The following TXNDC11 variants were observed in gnomAD, a reference collection of about 807,000 sequenced individuals.
TXNDC11 encodes thioredoxin domain-containing protein 11.
A neutral mutation model predicts 78.0 loss-of-function variants in TXNDC11; 68 were observed. That is an observed-to-expected ratio of 0.87 (90% CI 0.72 to 1.07). The LOEUF (loss-of-function observed/expected upper bound fraction) is 1.07. TXNDC11 is among the 50% of genes least tolerant of loss of function. The pLI, the probability that TXNDC11 is intolerant of heterozygous loss-of-function variation, is 0.00. For synonymous variants in TXNDC11, 571 were observed against 495.2 expected (o/e 1.15, Z -2.03); for missense variants, 1,389 against 1,221.8 (o/e 1.14, Z -2.04).
Position 11,742,680 on chromosome 16 carries a change from G to T in TXNDC11, c.51C>A (p.Ala17=), listed in dbSNP as rs749510857. 2.6e-5 allele frequency: 38 copies of T among 1,470,998 alleles called. 1 individual carries two copies. Among genetic ancestry groups the T allele is most frequent in the Middle Eastern group, 4.0e-4 (2 of 4,988 alleles). The allele number at this position is 1,470,998 out of a possible 1,614,324, so 91.1% of individuals were successfully genotyped here. The change falls in exon 1 of 12, where the codon GCC becomes GCA. Residue 17 remains alanine (A), a synonymous_variant. Transcript: ENST00000283033. Reference sequence around the variant, plus strand: ...CGCCGCCGCCCCCTCCCTCGTCCTCGGCGTCCTCGCTGCTGCTGCTGCCGC... The same window carrying T: ...CGCCGCCGCCCCCTCCCTCGTCCTCTGCGTCCTCGCTGCTGCTGCTGCCGC... The part of the protein sequence containing the change: ...RGGGSSSSED[A]EDEGGGGGGP...
At chr16:11,714,171 G>A (rs1187364427) in intron 5 of TXNDC11, among the ~76,000 whole-genome samples, 2 of 152,028 alleles carry the variant, frequency 1.3e-5, no homozygotes, top group Admixed American at 6.6e-5. Context: ...CCCCTAAGTA[G>A]CTGCAACTAC....
intron 5 of TXNDC11, among the ~76,000 whole-genome samples, chr16:11,712,007 A>G (rs2051376159): frequency 6.6e-6 from 1 of 152,148 alleles, no homozygotes; most frequent in Admixed American, 6.5e-5. Context: ...TAAGTTTGTG[A>G]CTTTATTATG....
chr16:11,711,327 A>T (rs778666114), intron 5 of TXNDC11, among the ~76,000 whole-genome samples: 3 of 152,190 alleles, frequency 2.0e-5, no homozygotes, highest in Non-Finnish European at 4.4e-5. Flanking sequence ...GTAACAAATA[A>T]TGGCAGACAC....
At chr16:11,733,860 A>C (rs1241020509) in intron 3 of TXNDC11, 122 bp downstream of exon 3, 3 of 684,888 alleles carry the variant, frequency 4.4e-6, no homozygotes, top group Non-Finnish European at 4.9e-6. Context: ...ATTTTTGCTT[A>C]TCTGTATTAT....
chr16:11,708,766 G>C (rs1289392051), intron 5 of TXNDC11, among the ~76,000 whole-genome samples: 1 of 152,138 alleles, frequency 6.6e-6, no homozygotes, highest in Admixed American at 6.5e-5. Context: ...GAAAATAGTG[G>C]TATACCAAAA....
chr16:11,723,919 G>C (rs1431953335), intron 4 of TXNDC11, among the ~76,000 whole-genome samples: 1 of 152,148 alleles, frequency 6.6e-6, no homozygotes, highest in East Asian at 1.9e-4. Context: ...AAAATATTTT[G>C]CCTGCAGATA....
At chr16:11,723,650 C>G (rs2051784271) in intron 4 of TXNDC11, among the ~76,000 whole-genome samples, 1 of 151,916 alleles carries the variant, frequency 6.6e-6, no homozygotes, top group African/African-American at 2.4e-5. Flanking sequence ...TACCTATGTG[C>G]ACAACATTCA....
intron 4 of TXNDC11, among the ~76,000 whole-genome samples, chr16:11,727,195 A>AT (rs147902060): frequency 4.0e-5 from 6 of 151,820 alleles, no homozygotes; most frequent in South Asian, 2.1e-4. Context: ...TAATTAATCA[A>AT]TTTTTTTTCT....
chr16:11,698,434 C>T (rs1486953875), intron 6 of TXNDC11, 109 bp from the exon 7 acceptor site: 11 of 923,196 alleles, frequency 1.2e-5, no homozygotes, highest in Admixed American at 9.0e-5. Context: ...AAAACCCAGG[C>T]GTGGAGCGGG....
Position 11,730,782 on chromosome 16 carries a change from C to G in TXNDC11, c.570-8G>C. The G allele has an allele frequency of 6.5e-7, 1 of 1,527,016 alleles. No individual in the cohort carries two copies. Among genetic ancestry groups the G allele is most frequent in the African/African-American group, 1.4e-5 (1 of 72,220 alleles). The allele number at this position is 1,527,016 out of a possible 1,614,324, so 94.6% of individuals were successfully genotyped here. ...TATTCGATTGGTCCAAAACTAGTAC[C>G]AAAAAATAAAAATAAAAATAAAAAT... On this transcript the variant is annotated splice_polypyrimidine_tract_variant and splice_region_variant and intron_variant, in intron 3 of 11. Transcript: ENST00000283033.
intron 5 of TXNDC11, among the ~76,000 whole-genome samples, chr16:11,711,023 A>G (rs1401997566): frequency 6.6e-6 from 1 of 152,058 alleles, no homozygotes; most frequent in Non-Finnish European, 1.5e-5. Flanking sequence ...CAGGACGTCC[A>G]GTGTGCCGGA....
chr16:11,739,600 C>T (rs13339332), intron 1 of TXNDC11, among the ~76,000 whole-genome samples: 3,179 of 152,122 alleles, frequency 0.021, 113 homozygotes, highest in African/African-American at 0.072. Context: ...AAAGACCATT[C>T]GAGGCAGCTT....
chr16:11,684,269 T>G, intron 10 of TXNDC11, 24 bp from the exon 11 acceptor site: 1 of 1,574,010 alleles, frequency 6.4e-7, no homozygotes, highest in Non-Finnish European at 8.7e-7. Flanking sequence ...AGAACAGAAA[T>G]GGCAGATGAT....
At chr16:11,733,950 G>A (rs2052135622) in intron 3 of TXNDC11, 32 bp downstream of exon 3, 4 of 1,481,146 alleles carry the variant, frequency 2.7e-6, no homozygotes, top group East Asian at 2.3e-5. Context: ...AAACTAAACT[G>A]GAATGAGAGA....
intron 7 of TXNDC11, among the ~76,000 whole-genome samples, chr16:11,694,962 A>G (rs1266973714): frequency 6.6e-6 from 1 of 152,234 alleles, no homozygotes; most frequent in African/African-American, 2.4e-5. Flanking sequence ...ATTTTCTTTA[A>G]TCAGGGAAAT....
Position 11,692,102 on chromosome 16 carries a change from TGGTGAA to T in TXNDC11, c.1108-26_1108-21del, listed in dbSNP as rs761318987. The T allele has an allele frequency of 1.5e-5, 23 of 1,511,958 alleles. No homozygotes were observed. In the South Asian group the frequency reaches 2.8e-4, roughly 19 times the overall value. 93.7% of individuals were successfully genotyped at this position (1,511,958 alleles called of 1,614,324 possible). A position where few individuals can be genotyped will look rare whatever the true frequency, so the allele number is the denominator to read the frequency against. Reference sequence around the variant, plus strand: ...GGTGATCTGAAATACAGGGCAGAGTTGGTGAAGGGCTTGGGGATGACTGAGGGACTA... The same window carrying T: ...GGTGATCTGAAATACAGGGCAGAGTTGGGCTTGGGGATGACTGAGGGACTA... On this transcript the variant is annotated intron_variant, in intron 7 of 11. Coordinates refer to ENST00000283033, the MANE Select transcript of TXNDC11 (RefSeq NM_015914.7).
chr16:11,733,511 A>G (rs1289241498), intron 3 of TXNDC11, among the ~76,000 whole-genome samples: 2 of 151,706 alleles, frequency 1.3e-5, no homozygotes, highest in African/African-American at 4.8e-5. Flanking sequence ...TGGGCAACAG[A>G]GTGAGACTCC....
chr16:11,688,196 G>T, intron 9 of TXNDC11, 107 bp downstream of exon 9: 1 of 1,275,076 alleles, frequency 7.8e-7, no homozygotes, highest in Non-Finnish European at 1.1e-6. Context: ...CCATCACGTG[G>T]TTACTCTTCT....
rs551028325 is a variant in TXNDC11, at chr16:11,727,551, T to C, written c.699+3094A>G. Among the ~76,000 whole-genome samples the C allele has an allele frequency of 1.0e-3, 154 of 151,688 alleles. 1 individual carries two copies. Among genetic ancestry groups the C allele is most frequent in the African/African-American group, 3.5e-3 (144 of 41,444 alleles). On this transcript the variant is annotated intron_variant, in intron 4 of 11. Coordinates refer to ENST00000283033, the MANE Select transcript of TXNDC11 (RefSeq NM_015914.7). ...CTTCACATATTTAAACTGTATAGGG[T>C]TTTTTTGTTTGTGTTTTTTGGAAAA...
Sources: gnomAD v4.1 joint callset for allele counts (sites outside exome capture counted in the v4.1 genomes callset) on GRCh38, gnomAD v4.1.1 for gene constraint, MANE v1.5 for transcripts, NCBI Gene and HGNC (gene_info 2026-07-23, HGNC 2026-07-21) for gene names.